Variants in ABCC6 observed in about 807,000 individuals in gnomAD.
ABCC6 encodes ATP binding cassette subfamily C member 6, also known as ATP-binding cassette sub-family C member 6.
A neutral mutation model predicts 169.5 loss-of-function variants in ABCC6; 126 were observed. The observed-to-expected ratio is 0.74, with a 90% CI of 0.64 to 0.86. ABCC6 has a LOEUF of 0.86. Among genes scored for constraint, ABCC6 ranks in the 40% least tolerant of loss-of-function variants. ABCC6 has a pLI of 0.00. For missense variants in ABCC6, 1,733 were observed against 1,927.2 expected (o/e 0.90, Z 1.89); for synonymous variants, 752 against 814.7 (o/e 0.92, Z 1.31).
At chr16:16,165,304 C>G (rs2046840172) in intron 23 of ABCC6, among the ~76,000 whole-genome samples, 1 of 152,140 alleles carries the variant, frequency 6.6e-6, no homozygotes, top group Admixed American at 6.5e-5. Flanking sequence ...GTCCCAGCTA[C>G]TTGAGAGGCT....
Position 16,163,061 on chromosome 16 carries a change from A to C in ABCC6, c.3438T>G (p.Phe1146Leu). The change falls in exon 24 of 31, where the codon TTT becomes TTG. Residue 1146 changes from phenylalanine to leucine, a missense_variant. Transcript: ENST00000205557. ...CTACGCGAGCATTGTTCTGAGCCACAAAGGGGGCCTGGGTTCGGAATGCCC... is the reference window on the plus strand; with the variant it reads ...CTACGCGAGCATTGTTCTGAGCCACCAAGGGGGCCTGGGTTCGGAATGCCC... ...VVRAFRTQAP[F>L]VAQNNARVDE... The C allele has an allele frequency of 6.2e-7, 1 of 1,614,006 alleles. No individual in the cohort carries two copies. The highest frequency in any genetic ancestry group is 1.6e-4 in the Middle Eastern group (1 of 6,062).
At chr16:16,188,657 C>T (rs2047734987) in intron 13 of ABCC6, among the ~76,000 whole-genome samples, 174 bp downstream of exon 13, 1 of 152,200 alleles carries the variant, frequency 6.6e-6, no homozygotes, top group African/African-American at 2.4e-5. Flanking sequence ...ATTTGCTGTA[C>T]TCTCTGCCCG....
chr16:16,212,721 G>A (rs1262024688), intron 5 of ABCC6, among the ~76,000 whole-genome samples: 10 of 151,942 alleles, frequency 6.6e-5, no homozygotes. Flanking sequence ...AAGAGGTTGG[G>A]CCACAGGCCT....
rs545046013 is a variant in ABCC6, at chr16:16,201,117, C to A, written c.1176+884G>T. 1.1e-4 allele frequency among the ~76,000 whole-genome samples: 16 copies of A among 152,314 alleles called. No homozygotes were observed. The South Asian group carries it at 3.1e-3, about 30-fold the overall frequency. On this transcript the variant is annotated intron_variant, in intron 9 of 30. Transcript: ENST00000205557. ...AAGTAGCTGGAATTACAGGCACATG[C>A]CACCATGCCTGGCTAATTTTTGTAT...
chr16:16,193,861 G>T (rs1000469867), intron 10 of ABCC6, among the ~76,000 whole-genome samples: 1 of 152,224 alleles, frequency 6.6e-6, no homozygotes, highest in Non-Finnish European at 1.5e-5. Context: ...GTCAGACTTG[G>T]GTCCTAAGAT....
chr16:16,161,455 C>A lies in ABCC6; in HGVS notation c.3616G>T (p.Val1206Phe). 13 of 1,613,910 alleles carry A rather than the reference C, an allele frequency of 8.1e-6. No individual in the cohort carries two copies. Among genetic ancestry groups the A allele is most frequent in the Non-Finnish European group, 1.0e-5 (12 of 1,180,032 alleles). ...HLSAGLVGFS[V>F]SAALQVTQTL... Reference sequence around the variant, plus strand: ...GGGAGTACCTGGAGGGCAGCAGAGACAGAGAAGCCCACGAGGCCAGCACTG... The same window carrying A: ...GGGAGTACCTGGAGGGCAGCAGAGAAAGAGAAGCCCACGAGGCCAGCACTG... Residue 1206 changes from valine (V) to phenylalanine (F), a missense_variant, in exon 25 of 31, where the codon GTC (valine) becomes TTC (phenylalanine). This residue lies in a region of ABCC6 where 1,601 missense variants were observed against 1,635.5 expected (regional missense o/e 0.98). Coordinates refer to ENST00000205557, the MANE Select transcript of ABCC6 (RefSeq NM_001171.6).
At chr16:16,198,223 CG>C (rs1323923483) in intron 9 of ABCC6, 41 bp from the exon 10 acceptor site, 1 of 1,554,962 alleles carries the variant, frequency 6.4e-7, no homozygotes, top group East Asian at 2.4e-5. Context: ...GTGGGGAGGC[CG>C]GGGCAGAGGG....
chr16:16,190,948 G>A (rs1404337515), intron 11 of ABCC6, among the ~76,000 whole-genome samples: 3 of 143,804 alleles, frequency 2.1e-5, no homozygotes, highest in African/African-American at 5.1e-5. Flanking sequence ...GGGTGGCGGG[G>A]GCACCTAAAA....
intron 18 of ABCC6, among the ~76,000 whole-genome samples, chr16:16,178,252 G>A (rs567155217): frequency 1.1e-4 from 16 of 152,130 alleles, no homozygotes; most frequent in Admixed American, 9.2e-4. Flanking sequence ...GCGTGAACCC[G>A]GGAGCCGGAG....
intron 20 of ABCC6, among the ~76,000 whole-genome samples, chr16:16,174,827 C>A (rs921473167): frequency 6.9e-6 from 1 of 144,860 alleles, no homozygotes; most frequent in Non-Finnish European, 1.5e-5. Context: ...TTGGCACAAT[C>A]TCGGCTCACT....
At chr16:16,151,341 CCA>C (rs2046383274) in intron 29 of ABCC6, among the ~76,000 whole-genome samples, 1 of 152,240 alleles carries the variant, frequency 6.6e-6, no homozygotes, top group African/African-American at 2.4e-5. Flanking sequence ...CAGGCGTGAG[CCA>C]CTGCGCCCCG....
intron 9 of ABCC6, among the ~76,000 whole-genome samples, chr16:16,199,935 G>A (rs183282118): frequency 7.2e-5 from 11 of 151,964 alleles, no homozygotes; most frequent in Middle Eastern, 3.4e-3. Context: ...GGGCATGCTG[G>A]TGGGCACCTG....
chr16:16,204,417 A>G (rs895147874), intron 7 of ABCC6, among the ~76,000 whole-genome samples: 4 of 152,292 alleles, frequency 2.6e-5, no homozygotes, highest in South Asian at 2.1e-4. Context: ...CCCCGTCCCC[A>G]ACACACACAA....
At chr16:16,221,543 T>C in intron 2 of ABCC6, 106 bp downstream of exon 2, 1 of 1,536,460 alleles carries the variant, frequency 6.5e-7, no homozygotes, top group Non-Finnish European at 8.8e-7. Context: ...GATTCCCTTC[T>C]ACACCCCGAT....
At chr16:16,177,191 T>G (rs181429334) in intron 19 of ABCC6, among the ~76,000 whole-genome samples, 12 of 152,342 alleles carry the variant, frequency 7.9e-5, no homozygotes, top group Admixed American at 7.8e-4. Flanking sequence ...TAACTTCACA[T>G]GCCTCTGGGG....
Position 16,159,471 on chromosome 16 carries a change from C to T in ABCC6, c.3735+11G>A. ...CTTGCTGGGACCCCCTCCCCACCTC[C>T]CGCCCATCACCTCCTTGGGCGTCCA... On this transcript the variant is annotated intron_variant, in intron 26 of 30. Transcript: ENST00000205557. 1 of 1,612,982 alleles carries T rather than the reference C, an allele frequency of 6.2e-7. No individual in the cohort carries two copies. The highest frequency in any genetic ancestry group is 8.5e-7 in the Non-Finnish European group (1 of 1,179,104).
At chr16:16,174,414 C>T (rs538500704) in intron 20 of ABCC6, among the ~76,000 whole-genome samples, 5 of 152,142 alleles carry the variant, frequency 3.3e-5, no homozygotes, top group South Asian at 2.1e-4. Context: ...CCTCTCTGGA[C>T]GTATTCTGGT....
intron 24 of ABCC6, among the ~76,000 whole-genome samples, chr16:16,162,146 A>T (rs148346985): frequency 6.6e-6 from 1 of 152,204 alleles, no homozygotes; most frequent in Admixed American, 6.5e-5. Context: ...AACTGAGTCA[A>T]TTAAACCTTC....
chr16:16,175,512 G>C (rs1263469183), intron 20 of ABCC6, among the ~76,000 whole-genome samples: 1 of 152,164 alleles, frequency 6.6e-6, no homozygotes, highest in South Asian at 2.1e-4. Flanking sequence ...AAGTGATGCT[G>C]TGCATACAGA....
Sources: allele counts gnomAD v4.1 joint callset (sites outside exome capture counted in the v4.1 genomes callset), GRCh38; gene constraint gnomAD v4.1.1; regional missense constraint gnomAD v4.1.1; transcripts MANE v1.5; gene names NCBI Gene and HGNC (gene_info 2026-07-23, HGNC 2026-07-21).